Variants in SCUBE3 observed in about 807,000 individuals in gnomAD.
SCUBE3 encodes signal peptide, CUB and EGF-like domain-containing protein 3.
Under a neutral mutation model 116.8 loss-of-function variants are expected in SCUBE3, and 33 were observed. The ratio of observed to expected loss-of-function variants is 0.28; its 90% CI spans 0.21 to 0.38. SCUBE3 has a LOEUF of 0.38. SCUBE3 is among the 10% of genes least tolerant of loss of function. SCUBE3 has a pLI of 1.00. For synonymous variants in SCUBE3, 418 were observed against 496.9 expected (o/e 0.84, Z 2.11); for missense variants, 1,007 against 1,324.8 (o/e 0.76, Z 3.72).
chr6:35,238,120 CCTT>C (rs758407751), intron 7 of SCUBE3, 102 bp downstream of exon 7: 7 of 644,616 alleles, frequency 1.1e-5, no homozygotes, highest in South Asian at 1.9e-5. Flanking sequence ...TCCTCAACCT[CCTT>C]CTTATGAAGA....
chr6:35,233,038 A>G lies in SCUBE3; in HGVS notation c.595+63A>G. 1.9e-6 allele frequency: 3 copies of G among 1,590,872 alleles called. No individual in the cohort carries two copies. The highest frequency in any genetic ancestry group is 2.6e-6 in the Non-Finnish European group (3 of 1,161,744). On this transcript the variant is annotated intron_variant, in intron 5 of 21. Coordinates refer to ENST00000274938, the MANE Select transcript of SCUBE3 (RefSeq NM_152753.4). The surrounding 1 kb of genome is among the most constrained non-coding windows in gnomAD (Gnocchi z 5.7). The stretch of plus-strand genomic sequence containing the variant: ...GGGGGTGAAAACATAGAGGAAGGGT[A>G]TAGGGCTTCAGGAGCAAGAGGACAG...
chr6:35,238,119 T>A (rs1205218090), intron 7 of SCUBE3, 101 bp downstream of exon 7: 2 of 646,594 alleles, frequency 3.1e-6, no homozygotes, highest in East Asian at 2.6e-5. Context: ...CTCCTCAACC[T>A]CCTTCTTATG....
rs1783182761 is a variant in SCUBE3 at position 35,223,255 on chromosome 6, T to G, written c.86-4325T>G. The G allele has an allele frequency of 2.0e-5, 3 of 152,214 alleles. No individual in the cohort carries two copies. The South Asian group carries it at 6.2e-4, about 32-fold the overall frequency. The allele number at this position is 152,214 out of a possible 1,614,324, so 9.4% of individuals were successfully genotyped here. ...CTTTCTATATGCCCACACTGTGGTGTTAAGTACTTGATGGGTATTAATTCA... is the reference window on the plus strand; with the variant it reads ...CTTTCTATATGCCCACACTGTGGTGGTAAGTACTTGATGGGTATTAATTCA... On this transcript the variant is annotated intron_variant, in intron 1 of 21. Transcript: ENST00000274938.
chr6:35,228,681 T>C lies in SCUBE3; in HGVS notation c.276T>C (p.Asn92=). The C allele has an allele frequency of 6.2e-7, 1 of 1,614,054 alleles. No homozygotes were observed. Among genetic ancestry groups the C allele is most frequent in the South Asian group, 1.1e-5 (1 of 91,082 alleles). The change falls in exon 3 of 22, where the codon AAT becomes AAC. Residue 92 remains asparagine, a synonymous_variant. Coordinates refer to ENST00000274938, the MANE Select transcript of SCUBE3 (RefSeq NM_152753.4). This position sits in a 1 kb window ranked among gnomAD's most constrained non-coding sequence, Gnocchi z 4.9. ...CVHDCVNIPG[N]YRCTCYDGFH... ...ATGACTGTGTCAACATCCCTGGCAA[T>C]TACCGGTGTACCTGCTATGATGGAT...
Position 35,247,477 on chromosome 6 carries a change from G to T in SCUBE3, c.2833-1079G>T, listed in dbSNP as rs16868699. On this transcript the variant is annotated intron_variant, in intron 21 of 21. Coordinates refer to ENST00000274938, the MANE Select transcript of SCUBE3 (RefSeq NM_152753.4). ...AAAGGAAACTATAGTCGTAGTCATA[G>T]AATTATCCTTCATAAATTATCACTG... Among the ~76,000 whole-genome samples the T allele has an allele frequency of 5.8e-3, 865 of 148,568 alleles. 8 individuals carry two copies. The highest frequency in any genetic ancestry group is 0.017 in the African/African-American group (684 of 40,612).
chr6:35,214,500 C>A lies in SCUBE3; in HGVS notation c.82C>A (p.Gln28Lys). 1 of 1,495,042 alleles carries A rather than the reference C, an allele frequency of 6.7e-7. No individual in the cohort carries two copies. The highest frequency in any genetic ancestry group is 8.9e-7 in the Non-Finnish European group (1 of 1,124,700). The allele number at this position is 1,495,042 out of a possible 1,614,324, so 92.6% of individuals were successfully genotyped here. The change falls in exon 1 of 22, where the codon CAA (glutamine) becomes AAA (lysine). Residue 28 changes from glutamine (Q) to lysine (K), a missense_variant. Gln to Lys is a moderately conservative substitution (Grantham distance 53). Around this residue, in one of 5 missense-constraint regions of SCUBE3, gnomAD observed 94 missense variants for 92.0 expected, o/e 1.02. Coordinates refer to ENST00000274938, the MANE Select transcript of SCUBE3 (RefSeq NM_152753.4). The surrounding 1 kb of genome is among the most constrained non-coding windows in gnomAD (Gnocchi z 6.3). ...ARAAQYSKAA[Q>K]DVDECVEGTD... ...CGCCGCCCAGTACAGCAAAGCCGCGCAAGGTAAGGAAGGAGGGGCGCGCGG... is the reference window on the plus strand; with the variant it reads ...CGCCGCCCAGTACAGCAAAGCCGCGAAAGGTAAGGAAGGAGGGGCGCGCGG...
In SCUBE3 at chr6:35,227,688, G is replaced by A; in HGVS notation, c.194G>A (p.Gly65Asp). 1 of 1,614,098 alleles carries A rather than the reference G, an allele frequency of 6.2e-7. No homozygotes were observed. The highest frequency in any genetic ancestry group is 8.5e-7 in the Non-Finnish European group (1 of 1,179,996). Reference sequence around the variant, plus strand: ...TGCAAGTCTGGCTACACAGGGGACGGCAAACACTGCAAAGGTGAGGCTGGA... The same window carrying A: ...TGCAAGTCTGGCTACACAGGGGACGACAAACACTGCAAAGGTGAGGCTGGA... ...CICKSGYTGD[G>D]KHCKDVDECE... Residue 65 changes from glycine to aspartate, a missense_variant, in exon 2 of 22, where the codon GGC becomes GAC. Physicochemically the swap from Gly to Asp is moderately conservative, Grantham distance 94 (BLOSUM62 -1). Around this residue, in one of 5 missense-constraint regions of SCUBE3, gnomAD observed 94 missense variants for 92.0 expected, o/e 1.02. Coordinates refer to ENST00000274938, the MANE Select transcript of SCUBE3 (RefSeq NM_152753.4).
In SCUBE3 at chr6:35,241,441, C is replaced by T; in HGVS notation, c.1196-102C>T. ...TAGTAAACAATCCCATCATCAGTCT[C>T]CATGGGTACAACAATAGTTATGCAA... On this transcript the variant is annotated intron_variant, in intron 10 of 21. Coordinates refer to ENST00000274938, the MANE Select transcript of SCUBE3 (RefSeq NM_152753.4). This position sits in a 1 kb window ranked among gnomAD's most constrained non-coding sequence, Gnocchi z 4.1. 9 of 1,109,430 alleles carry T rather than the reference C, an allele frequency of 8.1e-6. No homozygotes were observed. In the South Asian group the frequency reaches 1.1e-4, roughly 13 times the overall value. The allele number at this position is 1,109,430 out of a possible 1,614,324, so 68.7% of individuals were successfully genotyped here.
chr6:35,234,254 T>C (rs1299343681), intron 6 of SCUBE3, among the ~76,000 whole-genome samples: 8 of 152,148 alleles, frequency 5.3e-5, no homozygotes, highest in African/African-American at 1.9e-4. Flanking sequence ...GCATAGGTGT[T>C]TATGAATGAC....
chr6:35,237,724 G>C (rs905048505), intron 6 of SCUBE3, among the ~76,000 whole-genome samples, 178 bp from the exon 7 acceptor site: 19 of 152,262 alleles, frequency 1.2e-4, no homozygotes, highest in African/African-American at 4.3e-4. Context: ...AGGGGATGGG[G>C]GTTGGGAGTG....
At chr6:35,248,175 G>C (rs1182338612) in intron 21 of SCUBE3, among the ~76,000 whole-genome samples, 1 of 54,730 alleles carries the variant, frequency 1.8e-5, no homozygotes, top group Non-Finnish European at 5.4e-5. Flanking sequence ...GAGGGACAAA[G>C]GTAGCATGGA....
chr6:35,245,383 T>A lies in SCUBE3; in HGVS notation c.2557T>A (p.Ser853Thr), dbSNP rs763652859. The A allele has an allele frequency of 5.6e-6, 9 of 1,614,038 alleles. No individual in the cohort carries two copies. Among genetic ancestry groups the A allele is most frequent in the African/African-American group, 2.7e-5 (2 of 74,920 alleles). The change falls in exon 19 of 22, where the codon TCT (serine) becomes ACT (threonine). Residue 853 changes from serine (S) to threonine (T), a missense_variant. Around this residue, in one of 5 missense-constraint regions of SCUBE3, gnomAD observed 118 missense variants for 196.6 expected, o/e 0.60. Coordinates refer to ENST00000274938, the MANE Select transcript of SCUBE3 (RefSeq NM_152753.4). This position sits in a 1 kb window ranked among gnomAD's most constrained non-coding sequence, Gnocchi z 4.2. ...LIVVPEIFLP[S>T]EDECGDVLVM... ...CGTGGTACCAGAGATCTTCCTGCCA[T>A]CTGAGGATGAGTGTGGGGACGTCCT...
Position 35,243,654 on chromosome 6 carries a change from C to A in SCUBE3, c.1970C>A (p.Ala657Glu). 6.2e-7 allele frequency: 1 copy of A among 1,613,742 alleles called. No individual in the cohort carries two copies. Among genetic ancestry groups the A allele is most frequent in the South Asian group, 1.1e-5 (1 of 91,060 alleles). Residue 657 changes from alanine to glutamate, a missense_variant, in exon 16 of 22, where the codon GCG becomes GAG. Around this residue, in one of 5 missense-constraint regions of SCUBE3, gnomAD observed 544 missense variants for 638.9 expected, o/e 0.85. Coordinates refer to ENST00000274938, the MANE Select transcript of SCUBE3 (RefSeq NM_152753.4). The surrounding 1 kb of genome is among the most constrained non-coding windows in gnomAD (Gnocchi z 6.6). ...ACGGAGCAGTGTGTGCCATGCCCAG[C>A]GGGCACCTTCCAGGAGAGAGAAGGG... ...GQTEQCVPCPAGTFQEREGQL... is the reference protein window; with the variant it reads ...GQTEQCVPCPEGTFQEREGQL...
At chr6:35,220,747 A>G (rs934875041) in intron 1 of SCUBE3, 6 of 152,226 alleles carry the variant, frequency 3.9e-5, no homozygotes, top group Admixed American at 3.3e-4. Flanking sequence ...TGAGCAGGCT[A>G]AGCTTGAGTG....
rs759441930 is a variant in SCUBE3, at chr6:35,240,324, G to T, written c.953-50G>T. The T allele has an allele frequency of 8.6e-7, 1 of 1,165,932 alleles. No individual in the cohort carries two copies. The highest frequency in any genetic ancestry group is 1.4e-5 in the South Asian group (1 of 69,282). The allele number at this position is 1,165,932 out of a possible 1,614,324, so 72.2% of individuals were successfully genotyped here. A position where few individuals can be genotyped will look rare whatever the true frequency, so the allele number is the denominator to read the frequency against. ...CACTTGGGTCCTTCACCTGAGCAAG[G>T]GTCAAGTGCTCCAAGACAGATTCAG... On this transcript the variant is annotated intron_variant, in intron 8 of 21. Transcript: ENST00000274938. This position sits in a 1 kb window ranked among gnomAD's most constrained non-coding sequence, Gnocchi z 4.6.
In SCUBE3 at chr6:35,241,918, C is replaced by T. The variant is rs1468129164; in HGVS notation, c.1417+8C>T. The T allele has an allele frequency of 6.3e-7, 1 of 1,587,030 alleles. No homozygotes were observed. The highest frequency in any genetic ancestry group is 2.2e-5 in the East Asian group (1 of 44,802). ...ACTCCAACCACTGCCATGGTAAGCA[C>T]CAGCCCAGAAGCCCTGTTCCCACCC... On this transcript the variant is annotated splice_region_variant and intron_variant, in intron 12 of 21. Coordinates refer to ENST00000274938, the MANE Select transcript of SCUBE3 (RefSeq NM_152753.4). The surrounding 1 kb of genome is among the most constrained non-coding windows in gnomAD (Gnocchi z 4.1).
intron 21 of SCUBE3, among the ~76,000 whole-genome samples, chr6:35,247,194 G>C (rs2018373): frequency 0.68 from 102,560 of 151,852 alleles, 37,706 homozygotes; most frequent in Non-Finnish European, 0.82. Flanking sequence ...CAGCACTTTG[G>C]GGGGCTGAGG....
At position 35,238,005 on chromosome 6, in the gene SCUBE3, G is replaced by C. The variant is rs761762305; in HGVS notation, c.816G>C (p.Arg272Ser). ...CPVGFMLQPDRKTCKDIDECR... is the reference protein window; with the variant it reads ...CPVGFMLQPDSKTCKDIDECR... Reference sequence around the variant, plus strand: ...TGGGCTTCATGCTGCAGCCAGACAGGAAGACGTGCAAAGGTAAGGACTTTG... The same window carrying C: ...TGGGCTTCATGCTGCAGCCAGACAGCAAGACGTGCAAAGGTAAGGACTTTG... Residue 272 changes from arginine (R) to serine (S), a missense_variant, in exon 7 of 22, where the codon AGG becomes AGC. Physicochemically the swap from Arg to Ser is moderately radical, Grantham distance 110. Coordinates refer to ENST00000274938, the MANE Select transcript of SCUBE3 (RefSeq NM_152753.4). The C allele has an allele frequency of 3.1e-6, 5 of 1,602,172 alleles. No individual in the cohort carries two copies. The highest frequency in any genetic ancestry group is 4.3e-6 in the Non-Finnish European group (5 of 1,169,462).
At chr6:35,230,968 A>G (rs1175509309) in intron 3 of SCUBE3, among the ~76,000 whole-genome samples, 2 of 152,200 alleles carry the variant, frequency 1.3e-5, no homozygotes, top group Non-Finnish European at 2.9e-5. Flanking sequence ...GCTTGGCTCT[A>G]GAACCTAGGG....
Sources: allele counts gnomAD v4.1 joint callset (sites outside exome capture counted in the v4.1 genomes callset), GRCh38; gene constraint gnomAD v4.1.1; regional missense constraint gnomAD v4.1.1; non-coding constraint Gnocchi (gnomAD v3.1); transcripts MANE v1.5; gene names NCBI Gene and HGNC (gene_info 2026-07-23, HGNC 2026-07-21).